Variants in CDC73 observed in about 807,000 individuals in gnomAD.
The protein encoded by CDC73 is parafibromin.
A neutral mutation model predicts 83.7 loss-of-function variants in CDC73; 21 were observed. The observed-to-expected ratio is 0.25, with a 90% CI of 0.18 to 0.36. The LOEUF (loss-of-function observed/expected upper bound fraction) is 0.36. CDC73 is among the 10% of genes least tolerant of loss of function. The pLI, the probability that CDC73 is intolerant of heterozygous loss-of-function variation, is 1.00. For missense variants in CDC73, 342 were observed against 653.3 expected (o/e 0.52, Z 5.19); for synonymous variants, 224 against 212.9 (o/e 1.05, Z -0.45).
intron 15 of CDC73, among the ~76,000 whole-genome samples, chr1:193,243,357 C>T (rs903994973): frequency 6.6e-5 from 10 of 151,998 alleles, no homozygotes; most frequent in Admixed American, 1.3e-4. Flanking sequence ...TTGCTTCATG[C>T]GAATAAAGTA....
chr1:193,223,714 A>G (rs770632048), intron 13 of CDC73, among the ~76,000 whole-genome samples: 1 of 152,084 alleles, frequency 6.6e-6, no homozygotes, highest in Non-Finnish European at 1.5e-5. Context: ...ACCAGGCTTA[A>G]CTTTAATTGG....
At chr1:193,238,576 G>T (rs752128870) in intron 15 of CDC73, among the ~76,000 whole-genome samples, 21 of 152,120 alleles carry the variant, frequency 1.4e-4, no homozygotes, top group South Asian at 2.1e-4. Flanking sequence ...CAACTGGAAT[G>T]GACCCTTCAA....
chr1:193,177,246 G>T (rs560722954), intron 10 of CDC73, among the ~76,000 whole-genome samples: 3 of 151,148 alleles, frequency 2.0e-5, no homozygotes, highest in Admixed American at 6.6e-5. Context: ...ATCCTCGGCC[G>T]GGCGCGGTGG....
At chr1:193,202,219 C>T (rs1677103108) in intron 10 of CDC73, among the ~76,000 whole-genome samples, 1 of 152,014 alleles carries the variant, frequency 6.6e-6, no homozygotes, top group Admixed American at 6.6e-5. Context: ...TTTTAAAAAT[C>T]TAGGTGCAGT....
At chr1:193,200,183 C>T (rs1029959929) in intron 10 of CDC73, among the ~76,000 whole-genome samples, 2 of 152,008 alleles carry the variant, frequency 1.3e-5, no homozygotes, top group East Asian at 1.9e-4. Context: ...AAGATTGCAC[C>T]ACTGCACTGC....
intron 1 of CDC73, among the ~76,000 whole-genome samples, chr1:193,123,370 G>C (rs190446380): frequency 5.9e-5 from 9 of 152,260 alleles, no homozygotes; most frequent in Admixed American, 5.2e-4. Flanking sequence ...TGAGGTTGCA[G>C]GCCCCCGCCA....
chr1:193,196,826 A>G (rs1444497523), intron 10 of CDC73, among the ~76,000 whole-genome samples: 1 of 152,206 alleles, frequency 6.6e-6, no homozygotes, highest in Non-Finnish European at 1.5e-5. Flanking sequence ...GAACTTGTCT[A>G]TTATTAATAT....
intron 10 of CDC73, among the ~76,000 whole-genome samples, chr1:193,199,624 ACT>A (rs770979547): frequency 3.4e-5 from 5 of 148,412 alleles, no homozygotes; most frequent in Non-Finnish European, 5.9e-5. Context: ...CAAGCAGGAG[ACT>A]CTCGAGCTTG....
At chr1:193,227,195 G>A (rs979213708) in intron 13 of CDC73, among the ~76,000 whole-genome samples, 1 of 151,650 alleles carries the variant, frequency 6.6e-6, no homozygotes, top group Non-Finnish European at 1.5e-5. Flanking sequence ...CAAAGAACCA[G>A]CTTTTTTTGT....
chr1:193,193,250 A>G (rs1676947928), intron 10 of CDC73, among the ~76,000 whole-genome samples: 1 of 152,228 alleles, frequency 6.6e-6, no homozygotes, highest in African/African-American at 2.4e-5. Context: ...AGCATTTTTT[A>G]TATGCAAGCT....
intron 10 of CDC73, among the ~76,000 whole-genome samples, chr1:193,166,702 A>G (rs1214556283): frequency 6.7e-6 from 1 of 149,062 alleles, no homozygotes; most frequent in African/African-American, 2.5e-5. Context: ...CCTGGAGTAC[A>G]GTGGAGCTAT....
At chr1:193,155,264 A>C (rs1676188202) in intron 10 of CDC73, among the ~76,000 whole-genome samples, 1 of 152,196 alleles carries the variant, frequency 6.6e-6, no homozygotes, top group African/African-American at 2.4e-5. Flanking sequence ...TTATGAAAGT[A>C]AGAATTATTC....
intron 13 of CDC73, among the ~76,000 whole-genome samples, chr1:193,220,804 G>A (rs1677456498): frequency 6.6e-6 from 1 of 152,118 alleles, no homozygotes; most frequent in Admixed American, 6.5e-5. Context: ...GATTCCTCAA[G>A]TAATTTACAA....
chr1:193,219,851 A>G (rs1677435849), intron 13 of CDC73, among the ~76,000 whole-genome samples: 1 of 152,220 alleles, frequency 6.6e-6, no homozygotes, highest in South Asian at 2.1e-4. Context: ...TACCCATGTA[A>G]CAAACCTGCA....
intron 10 of CDC73, among the ~76,000 whole-genome samples, chr1:193,177,524 T>G (rs1201162338): frequency 2.8e-5 from 4 of 142,938 alleles, no homozygotes; most frequent in Non-Finnish European, 6.0e-5. Context: ...AGCAAGACTC[T>G]GTCTAAAAAA....
In CDC73 at chr1:193,242,679, G is replaced by T. The variant is rs538012408; in HGVS notation, c.1417+6323G>T. Among the ~76,000 whole-genome samples the T allele has an allele frequency of 4.6e-5, 7 of 152,142 alleles. No homozygotes were observed. In the South Asian group the frequency reaches 1.0e-3, roughly 23 times the overall value. ...TAATGATAAATGTCTTCAAATTATTGCTAGCTACCATTGAAAAAATATTTT... is the reference window on the plus strand; with the variant it reads ...TAATGATAAATGTCTTCAAATTATTTCTAGCTACCATTGAAAAAATATTTT... On this transcript the variant is annotated intron_variant, in intron 15 of 16. Coordinates refer to ENST00000367435, the MANE Select transcript of CDC73 (RefSeq NM_024529.5).
chr1:193,225,869 C>G (rs1677558800), intron 13 of CDC73, among the ~76,000 whole-genome samples: 1 of 152,084 alleles, frequency 6.6e-6, no homozygotes, highest in African/African-American at 2.4e-5. Context: ...GTTTACTCTG[C>G]TGACTGTTCC....
intron 12 of CDC73, 113 bp from the exon 13 acceptor site, chr1:193,212,277 T>C (rs186487767): frequency 1.5e-4 from 136 of 904,614 alleles, no homozygotes; most frequent in Non-Finnish European, 2.1e-4. Flanking sequence ...TGGCTTAAAA[T>C]ATTTTTTAGA....
intron 10 of CDC73, chr1:193,179,686 A>G (rs1288850272): frequency 6.6e-6 from 1 of 152,610 alleles, no homozygotes; most frequent in African/African-American, 2.4e-5. Context: ...AGAAAGTATT[A>G]ATAAAAGAAA....
Sources: gnomAD v4.1 joint callset for allele counts (sites outside exome capture counted in the v4.1 genomes callset) on GRCh38, gnomAD v4.1.1 for gene constraint, MANE v1.5 for transcripts, NCBI Gene and HGNC (gene_info 2026-07-23, HGNC 2026-07-21) for gene names.